Variants in MAB21L3 observed in about 807,000 individuals in gnomAD.
The protein encoded by MAB21L3 is protein mab-21-like 3.
A neutral mutation model predicts 37.7 loss-of-function variants in MAB21L3; 36 were observed. The observed-to-expected ratio is 0.96, with a 90% CI of 0.73 to 1.26. MAB21L3 has a LOEUF of 1.26. Among genes scored for constraint, MAB21L3 ranks in the 50% most tolerant of loss-of-function variants. MAB21L3 has a pLI of 0.00. For missense variants in MAB21L3, 430 were observed against 447.3 expected, an observed-to-expected ratio of 0.96 and a Z score of 0.35; for synonymous variants, 186 against 176.8, an observed-to-expected ratio of 1.05 and a Z score of -0.41.
chr1:116,125,814 A>C (rs576831551), intron 5 of MAB21L3, among the ~76,000 whole-genome samples: 2 of 145,602 alleles, frequency 1.4e-5, no homozygotes, highest in East Asian at 3.9e-4. Flanking sequence ...AGAGAGATTA[A>C]GTCACTTCTG....
chr1:116,128,377 C>T lies in MAB21L3; in HGVS notation c.855+38C>T, dbSNP rs573890773. ...CAGGTTGGAGAAGACCCAGGGGCAGCTTTGGATAGGTCATTCTTCCTGTGG... is the reference window on the plus strand; with the variant it reads ...CAGGTTGGAGAAGACCCAGGGGCAGTTTTGGATAGGTCATTCTTCCTGTGG... On this transcript the variant is annotated intron_variant, in intron 7 of 7. Transcript: ENST00000369500. 11 of 1,561,114 alleles carry T rather than the reference C, an allele frequency of 7.0e-6. No homozygotes were observed. In the South Asian group the frequency reaches 8.5e-5, roughly 12 times the overall value.
At chr1:116,118,196 A>T (rs1294290888) in intron 3 of MAB21L3, among the ~76,000 whole-genome samples, 1 of 152,132 alleles carries the variant, frequency 6.6e-6, no homozygotes, top group Non-Finnish European at 1.5e-5. Context: ...ATCCTAGCTA[A>T]CATGGTGAAA....
rs752628936 is a variant in MAB21L3 at position 116,127,604 on chromosome 1, T to G, written c.620T>G (p.Leu207Arg). 1 of 1,614,108 alleles carries G rather than the reference T, an allele frequency of 6.2e-7. No individual in the cohort carries two copies. Among genetic ancestry groups the G allele is most frequent in the Non-Finnish European group, 8.5e-7 (1 of 1,180,028 alleles). The change falls in exon 6 of 8, where the codon CTG becomes CGG. Residue 207 changes from leucine to arginine, a missense_variant. Coordinates refer to ENST00000369500, the MANE Select transcript of MAB21L3 (RefSeq NM_152367.3). ...AAGAAAGCCCGGTGGCCTCGATGTC[T>G]GCAGCGCTGGCCTTCCCAAGAGAGA... ...WSKKARWPRC[L>R]QRWPSQERVE... is the part of the protein sequence containing the mutation.
Position 116,112,637 on chromosome 1 carries a change from G to T in MAB21L3, c.22G>T (p.Asp8Tyr). The change falls in exon 3 of 8, where the codon GAC becomes TAC. Residue 8 changes from aspartate to tyrosine, a missense_variant. Physicochemically the swap from Asp to Tyr is radical, Grantham distance 160 (BLOSUM62 -3). Coordinates refer to ENST00000369500, the MANE Select transcript of MAB21L3 (RefSeq NM_152367.3). ...AGCCATGAAATACCTTACTGTGGGAGACTTAGAAGATTGCCTACTGAATAA... is the reference window on the plus strand; with the variant it reads ...AGCCATGAAATACCTTACTGTGGGATACTTAGAAGATTGCCTACTGAATAA... MKYLTVG[D>Y]LEDCLLNKVD... The T allele has an allele frequency of 6.2e-7, 1 of 1,613,446 alleles. No homozygotes were observed. Among genetic ancestry groups the T allele is most frequent in the African/African-American group, 1.3e-5 (1 of 74,788 alleles).
At chr1:116,113,621 T>C (rs776253327) in intron 3 of MAB21L3, among the ~76,000 whole-genome samples, 1 of 152,230 alleles carries the variant, frequency 6.6e-6, no homozygotes. Context: ...TCCTAAACAG[T>C]GTTCGACACG....
At chr1:116,117,341 G>A (rs572258248) in intron 3 of MAB21L3, among the ~76,000 whole-genome samples, 2 of 152,002 alleles carry the variant, frequency 1.3e-5, no homozygotes, top group Admixed American at 1.3e-4. Context: ...TGCCTGCAAT[G>A]TTCTATCTAA....
intron 3 of MAB21L3, among the ~76,000 whole-genome samples, chr1:116,117,162 C>CATATATATATATATATATATATATATAT (rs35799148): frequency 8.7e-6 from 1 of 114,570 alleles, no homozygotes; most frequent in South Asian, 2.8e-4. Flanking sequence ...AATATACATA[C>CATATATATATATATATATATATATATAT]ATATATATAT....
chr1:116,114,135 A>T (rs1229876576), intron 3 of MAB21L3, among the ~76,000 whole-genome samples: 1 of 152,222 alleles, frequency 6.6e-6, no homozygotes, highest in Non-Finnish European at 1.5e-5. Context: ...GGCACCATTT[A>T]TTTGATCATG....
Position 116,136,588 on chromosome 1 carries a change from T to G in MAB21L3, c.*3223T>G, listed in dbSNP as rs1557937124. ...AGATTCAATGCCATCCCCATCAAGCTACCAATGACTTTCTTCACAGAATTG... is the reference window on the plus strand; with the variant it reads ...AGATTCAATGCCATCCCCATCAAGCGACCAATGACTTTCTTCACAGAATTG... On this transcript the variant is annotated 3_prime_UTR_variant, in exon 8 of 8. Coordinates refer to ENST00000369500, the MANE Select transcript of MAB21L3 (RefSeq NM_152367.3). 6.6e-6 allele frequency among the ~76,000 whole-genome samples: 1 copy of G among 152,168 alleles called. No individual in the cohort carries two copies. The highest frequency in any genetic ancestry group is 1.5e-5 in the Non-Finnish European group (1 of 68,034).
intron 3 of MAB21L3, among the ~76,000 whole-genome samples, chr1:116,119,089 T>C (rs1659669515): frequency 6.6e-6 from 1 of 152,248 alleles, no homozygotes; most frequent in Non-Finnish European, 1.5e-5. Flanking sequence ...GGAAGTCCTA[T>C]GCTGGAGAGG....
At chr1:116,119,899 C>A (rs763220137) in intron 3 of MAB21L3, among the ~76,000 whole-genome samples, 10 of 152,124 alleles carry the variant, frequency 6.6e-5, no homozygotes, top group Non-Finnish European at 1.3e-4. Flanking sequence ...ACTGTGGTAA[C>A]TTTCTGTCAG....
intron 7 of MAB21L3, among the ~76,000 whole-genome samples, chr1:116,128,848 G>A (rs539496425): frequency 2.6e-5 from 4 of 152,274 alleles, no homozygotes; most frequent in East Asian, 1.9e-4. Context: ...TACCACACAC[G>A]TAGTGCCACA....
intron 3 of MAB21L3, among the ~76,000 whole-genome samples, chr1:116,117,944 C>T (rs977108551): frequency 2.0e-5 from 3 of 152,112 alleles, no homozygotes; most frequent in Admixed American, 2.0e-4. Flanking sequence ...GTGGGAAATC[C>T]TTACAAACTG....
intron 3 of MAB21L3, among the ~76,000 whole-genome samples, chr1:116,117,485 C>A (rs1341353158): frequency 6.6e-6 from 1 of 152,026 alleles, no homozygotes. Flanking sequence ...ACTGCTGAAA[C>A]CCTCTGTTGC....
chr1:116,123,574 A>G (rs74113215), intron 4 of MAB21L3, among the ~76,000 whole-genome samples: 6,424 of 152,264 alleles, frequency 0.042, 465 homozygotes, highest in African/African-American at 0.15. Context: ...CCTAAATTCA[A>G]ATTCTGACTC....
chr1:116,123,751 T>C (rs1006478595), intron 4 of MAB21L3: 2 of 257,304 alleles, frequency 7.8e-6, no homozygotes, highest in African/African-American at 4.5e-5. Flanking sequence ...ACTGAATGCA[T>C]ACTCATTCTT....
At chr1:116,114,107 G>A (rs762098253) in intron 3 of MAB21L3, among the ~76,000 whole-genome samples, 24 of 152,212 alleles carry the variant, frequency 1.6e-4, no homozygotes, top group African/African-American at 3.4e-4. Flanking sequence ...ATTCACTCCC[G>A]TTATAATTAG....
intron 3 of MAB21L3, among the ~76,000 whole-genome samples, chr1:116,117,079 CACTCTTAA>C (rs1214084416): frequency 6.6e-6 from 1 of 150,742 alleles, no homozygotes; most frequent in East Asian, 1.9e-4. Context: ...CATGCACACA[CACTCTTAA>C]GCTTCTATTT....
chr1:116,113,137 T>G (rs1659478639), intron 3 of MAB21L3, among the ~76,000 whole-genome samples: 1 of 152,246 alleles, frequency 6.6e-6, no homozygotes, highest in Non-Finnish European at 1.5e-5. Context: ...CTTAATTTCT[T>G]CTAGATGGTC....
Sources: gnomAD v4.1 joint callset for allele counts (sites outside exome capture counted in the v4.1 genomes callset) on GRCh38, gnomAD v4.1.1 for gene constraint, MANE v1.5 for transcripts, NCBI Gene and HGNC (gene_info 2026-07-23, HGNC 2026-07-21) for gene names.